Variants in SLIT3 observed in about 807,000 individuals in gnomAD.
SLIT3 encodes the protein slit homolog 3 protein.
SLIT3 carries 68 observed loss-of-function variants against 184.0 expected under a neutral mutation model. The ratio of observed to expected loss-of-function variants is 0.37; its 90% CI spans 0.30 to 0.45. SLIT3 has a LOEUF of 0.45. Among genes scored for constraint, SLIT3 ranks in the 20% least tolerant of loss-of-function variants. The pLI is 1.00. For synonymous variants in SLIT3, 831 were observed against 828.6 expected, an observed-to-expected ratio of 1.00 and a Z score of -0.05; for missense variants, 1,707 against 2,026.0, an observed-to-expected ratio of 0.84 and a Z score of 3.02.
At chr5:169,109,691 A>G (rs1394936181) in intron 4 of SLIT3, among the ~76,000 whole-genome samples, 2 of 152,060 alleles carry the variant, frequency 1.3e-5, no homozygotes, top group African/African-American at 4.8e-5. Flanking sequence ...CCATCTCCCT[A>G]TTTCACTCTG....
rs78051583 is a variant in SLIT3, at chr5:168,679,429, A to C, written c.3686+4537T>G. Among the ~76,000 whole-genome samples the C allele has an allele frequency of 2.5e-3, 378 of 152,252 alleles. 7 individuals are homozygous for C. In the East Asian group the frequency reaches 0.061, roughly 25 times the overall value. On this transcript the variant is annotated intron_variant, in intron 32 of 35. Transcript: ENST00000519560. ...TAGAGGCCAGGCATTGTGCTACCCT[A>C]TGCTAAGCAGTTAACTTGCATTCTC...
At chr5:169,046,292 T>C (rs537839606) in intron 4 of SLIT3, among the ~76,000 whole-genome samples, 2 of 152,278 alleles carry the variant, frequency 1.3e-5, no homozygotes, top group Admixed American at 6.5e-5. Context: ...ATGAAAGGCA[T>C]GCATAGAAAA....
intron 28 of SLIT3, among the ~76,000 whole-genome samples, chr5:168,695,364 G>A (rs966713118): frequency 1.3e-5 from 2 of 152,206 alleles, no homozygotes; most frequent in African/African-American, 2.4e-5. Context: ...GATCAGATAA[G>A]TTTGGGAACT....
At position 169,205,564 on chromosome 5, in the gene SLIT3, C is replaced by T. The variant is rs561941925; in HGVS notation, c.342-12014G>A. Among the ~76,000 whole-genome samples, 190 of 152,280 alleles carry T rather than the reference C, an allele frequency of 1.2e-3. 1 individual carries two copies. Among genetic ancestry groups the T allele is most frequent in the South Asian group, 8.9e-3 (43 of 4,822 alleles). ...GCAACTAGTAGGTGCTCAATAAATACTTGTTGGTTAGTTGGTTGGTTCATC... is the reference window on the plus strand; with the variant it reads ...GCAACTAGTAGGTGCTCAATAAATATTTGTTGGTTAGTTGGTTGGTTCATC... On this transcript the variant is annotated intron_variant, in intron 3 of 35. Transcript: ENST00000519560.
chr5:168,848,035 CTT>C (rs1475193632), intron 5 of SLIT3, among the ~76,000 whole-genome samples: 16 of 152,350 alleles, frequency 1.1e-4, no homozygotes, highest in Non-Finnish European at 1.8e-4. Context: ...TGAGAGCTCT[CTT>C]TCAATTTTTC....
intron 4 of SLIT3, among the ~76,000 whole-genome samples, chr5:168,947,501 T>C (rs977086483): frequency 6.6e-6 from 1 of 151,914 alleles, no homozygotes; most frequent in East Asian, 1.9e-4. Flanking sequence ...AAAGGAGGCA[T>C]AGGAAGAAAA....
intron 4 of SLIT3, among the ~76,000 whole-genome samples, chr5:169,146,410 G>A (rs964057342): frequency 1.3e-5 from 2 of 152,154 alleles, no homozygotes; most frequent in Non-Finnish European, 2.9e-5. Context: ...CTGCCCTGAC[G>A]GAGCCTGATG....
chr5:168,849,251 T>A (rs1156418564), intron 5 of SLIT3, among the ~76,000 whole-genome samples: 1 of 152,192 alleles, frequency 6.6e-6, no homozygotes, highest in African/African-American at 2.4e-5. Flanking sequence ...ATCCAGATGT[T>A]CTGGGGGCCC....
chr5:168,936,972 G>C (rs1202365517), intron 4 of SLIT3, among the ~76,000 whole-genome samples: 1 of 152,174 alleles, frequency 6.6e-6, no homozygotes, highest in African/African-American at 2.4e-5. Flanking sequence ...CTATAGCTGG[G>C]CTTAGTGCAA....
At chr5:169,184,173 C>T (rs297880) in intron 4 of SLIT3, among the ~76,000 whole-genome samples, 83,517 of 152,086 alleles carry the variant, frequency 0.55, 23,838 homozygotes, top group Middle Eastern at 0.67. Context: ...GATAAGAGCA[C>T]GTGCTTATAT....
intron 4 of SLIT3, among the ~76,000 whole-genome samples, chr5:168,984,637 C>A (rs1755065332): frequency 1.3e-5 from 2 of 152,154 alleles, no homozygotes; most frequent in Admixed American, 6.5e-5. Flanking sequence ...ACTCTGAAAA[C>A]CACTTGTGCC....
At chr5:168,765,230 C>A (rs1228250223) in intron 14 of SLIT3, among the ~76,000 whole-genome samples, 6 of 152,290 alleles carry the variant, frequency 3.9e-5, no homozygotes, top group African/African-American at 1.4e-4. Context: ...AAGGTGAGAG[C>A]AGCCTGTAGT....
chr5:168,850,256 T>C (rs140197566), intron 5 of SLIT3, among the ~76,000 whole-genome samples: 46 of 152,342 alleles, frequency 3.0e-4, no homozygotes, highest in African/African-American at 1.1e-3. Context: ...TAATTCTACA[T>C]TAAAACAACA....
chr5:168,767,347 C>A (rs1252096541), intron 14 of SLIT3, among the ~76,000 whole-genome samples: 1 of 152,158 alleles, frequency 6.6e-6, no homozygotes, highest in African/African-American at 2.4e-5. Context: ...CAGGAATGAA[C>A]AACACAGTCT....
intron 4 of SLIT3, among the ~76,000 whole-genome samples, chr5:169,011,742 C>A (rs1331921735): frequency 6.6e-6 from 1 of 152,122 alleles, no homozygotes; most frequent in African/African-American, 2.4e-5. Flanking sequence ...GAAAAGTAAC[C>A]CGATGTTATT....
At chr5:169,049,971 T>A (rs1757760049) in intron 4 of SLIT3, among the ~76,000 whole-genome samples, 1 of 152,146 alleles carries the variant, frequency 6.6e-6, no homozygotes, top group African/African-American at 2.4e-5. Flanking sequence ...GGTTTCTGGG[T>A]ATAGTTGAGC....
intron 10 of SLIT3, chr5:168,791,002 C>A (rs184647537): frequency 7.9e-5 from 12 of 152,368 alleles, no homozygotes; most frequent in Non-Finnish European, 1.3e-4. Flanking sequence ...GAAATCACCT[C>A]CGACAAATCC....
intron 32 of SLIT3, among the ~76,000 whole-genome samples, chr5:168,674,642 C>T (rs573603387): frequency 6.6e-5 from 10 of 152,140 alleles, no homozygotes; most frequent in African/African-American, 2.4e-4. Context: ...CAGGCTCATG[C>T]CACCACAAAC....
intron 1 of SLIT3, among the ~76,000 whole-genome samples, chr5:169,290,458 C>T (rs904540237): frequency 2.6e-5 from 4 of 151,228 alleles, no homozygotes; most frequent in Non-Finnish European, 4.4e-5. Flanking sequence ...AGGGCACATG[C>T]TAGGGCACAC....
Sources: gnomAD v4.1 joint callset for allele counts (sites outside exome capture counted in the v4.1 genomes callset) on GRCh38, gnomAD v4.1.1 for gene constraint, MANE v1.5 for transcripts, NCBI Gene and HGNC (gene_info 2026-07-23, HGNC 2026-07-21) for gene names.